Variants in SI observed in about 807,000 individuals in gnomAD.
SI encodes sucrase-isomaltase, intestinal.
Under a neutral mutation model 253.3 loss-of-function variants are expected in SI, and 235 were observed. The observed-to-expected ratio is 0.93, with a 90% CI of 0.83 to 1.03. The LOEUF is 1.03. Among genes scored for constraint, SI ranks in the 50% least tolerant of loss-of-function variants. The pLI is 0.00. For synonymous variants in SI, 819 were observed against 712.0 expected (o/e 1.15, Z -2.39); for missense variants, 2,442 against 2,211.1 (o/e 1.10, Z -2.09).
intron 34 of SI, 80 bp downstream of exon 34, chr3:165,012,899 CA>C: frequency 2.2e-6 from 2 of 890,464 alleles, no homozygotes; most frequent in South Asian, 2.6e-5. Context: ...GAAAAGCATT[CA>C]AATTTAGTTA....
At chr3:165,079,618 CT>C (rs1172924010), upstream of SI, among the ~76,000 whole-genome samples, 1 of 151,596 alleles carries the variant, frequency 6.6e-6, no homozygotes, top group Admixed American at 6.6e-5. Flanking sequence ...GTGATTTACT[CT>C]CTATTCATAT....
chr3:165,055,016 G>A (rs1273116717), intron 13 of SI, among the ~76,000 whole-genome samples, 178 bp downstream of exon 13: 2 of 151,896 alleles, frequency 1.3e-5, no homozygotes, highest in African/African-American at 4.8e-5. Flanking sequence ...GTTTTGTTTT[G>A]TTTTCTTACT....
intron 28 of SI, among the ~76,000 whole-genome samples, chr3:165,018,522 T>C (rs1202069578): frequency 6.6e-6 from 1 of 150,554 alleles, no homozygotes; most frequent in East Asian, 1.9e-4. Context: ...CCAGAAAATA[T>C]CTTGTTTATA....
intron 47 of SI, among the ~76,000 whole-genome samples, chr3:164,980,446 C>G (rs1366715687): frequency 6.6e-6 from 1 of 151,808 alleles, no homozygotes; most frequent in Non-Finnish European, 1.5e-5. Flanking sequence ...ATTGCTAGAG[C>G]AATTAAATAA....
intron 34 of SI, 116 bp downstream of exon 34, chr3:165,012,864 T>C: frequency 2.6e-6 from 2 of 779,420 alleles, no homozygotes; most frequent in Non-Finnish European, 4.6e-6. Context: ...ATATCGATAA[T>C]TTAAAATGGC....
intron 3 of SI, among the ~76,000 whole-genome samples, chr3:165,073,750 TA>T (rs1281365288): frequency 6.6e-6 from 1 of 151,970 alleles, no homozygotes; most frequent in Non-Finnish European, 1.5e-5. Context: ...ATAATGTAAA[TA>T]AAAAACAATA....
At chr3:165,048,578 T>TAGAGAG (rs1434778761) in intron 15 of SI, among the ~76,000 whole-genome samples, 16 of 109,360 alleles carry the variant, frequency 1.5e-4, no homozygotes, top group Non-Finnish European at 2.6e-4. Context: ...TATATATATA[T>TAGAGAG]ATATATAGAG....
At chr3:165,038,091 T>C (rs1712626157) in intron 20 of SI, 67 bp from the exon 21 acceptor site, 5 of 1,402,860 alleles carry the variant, frequency 3.6e-6, no homozygotes, top group South Asian at 2.4e-5. Flanking sequence ...TTCACAAGAA[T>C]TAAAAGGCAT....
intron 27 of SI, 76 bp downstream of exon 27, chr3:165,021,153 G>C: frequency 7.8e-7 from 1 of 1,275,286 alleles, no homozygotes; most frequent in South Asian, 1.2e-5. Context: ...GACAGTGAAG[G>C]CTGTTAATCA....
intron 34 of SI, among the ~76,000 whole-genome samples, chr3:165,010,995 C>G (rs1020170180): frequency 6.6e-6 from 1 of 152,052 alleles, no homozygotes; most frequent in African/African-American, 2.4e-5. Flanking sequence ...GTTTTAAGCT[C>G]CCAAATTTTT....
intron 3 of SI, among the ~76,000 whole-genome samples, chr3:165,070,976 G>A (rs761309853): frequency 1.3e-5 from 2 of 151,842 alleles, no homozygotes; most frequent in African/African-American, 2.4e-5. Context: ...GCTTATAGGC[G>A]CCTTTTTCCA....
chr3:165,012,605 T>C (rs1576884489), intron 34 of SI, among the ~76,000 whole-genome samples: 1 of 151,992 alleles, frequency 6.6e-6, no homozygotes, highest in Non-Finnish European at 1.5e-5. Flanking sequence ...TTTTTTTTTG[T>C]ATTTTTAGTA....
At chr3:165,071,768 G>A (rs2108107116) in intron 3 of SI, among the ~76,000 whole-genome samples, 1 of 152,192 alleles carries the variant, frequency 6.6e-6, no homozygotes, top group African/African-American at 2.4e-5. Context: ...AATACTATGT[G>A]AGGACAAAAT....
chr3:165,060,514 A>G (rs2108250944), intron 9 of SI, among the ~76,000 whole-genome samples: 1 of 151,898 alleles, frequency 6.6e-6, no homozygotes, highest in East Asian at 1.9e-4. Flanking sequence ...TGTTAATAAA[A>G]TATATGTTCT....
chr3:165,060,057 G>T (rs770507652), intron 9 of SI, 30 bp from the exon 10 acceptor site: 2 of 1,593,088 alleles, frequency 1.3e-6, no homozygotes, highest in South Asian at 1.1e-5. Flanking sequence ...TAATTAGTTT[G>T]AATAGAAATA....
rs945738208 is a variant in SI, at chr3:165,010,559, A to G, written c.4063-1164T>C. On this transcript the variant is annotated intron_variant, in intron 34 of 47. Transcript: ENST00000264382. Reference sequence around the variant, plus strand: ...AGGATAGAAGGCTTGGTGGGATTATATTGAATATTTTCTATGCAAGGATCT... The same window carrying G: ...AGGATAGAAGGCTTGGTGGGATTATGTTGAATATTTTCTATGCAAGGATCT... 2.6e-5 allele frequency among the ~76,000 whole-genome samples: 4 copies of G among 152,188 alleles called. No individual in the cohort carries two copies. The South Asian group carries it at 8.3e-4, about 31-fold the overall frequency.
intron 47 of SI, 79 bp from the exon 48 acceptor site, chr3:164,979,509 T>C: frequency 1.2e-6 from 1 of 817,454 alleles, no homozygotes. Flanking sequence ...TTCAAAAAAG[T>C]TTTCTAATAA....
At chr3:165,084,758 A>C in the SI span, among the ~76,000 whole-genome samples, 1 of 152,170 alleles carries the variant, frequency 6.6e-6, no homozygotes, top group Non-Finnish European at 1.5e-5. Context: ...ATTTGTTCAC[A>C]TATTGGAAAC....
chr3:165,081,065 C>A (rs1715304915), upstream of SI, among the ~76,000 whole-genome samples: 1 of 151,798 alleles, frequency 6.6e-6, no homozygotes, highest in Non-Finnish European at 1.5e-5. Flanking sequence ...CAACAATGAA[C>A]CTCAATCAAT....
Sources: allele counts gnomAD v4.1 joint callset (sites outside exome capture counted in the v4.1 genomes callset), GRCh38; gene constraint gnomAD v4.1.1; transcripts MANE v1.5; gene names NCBI Gene and HGNC (gene_info 2026-07-23, HGNC 2026-07-21).